Variants in FBXL20 observed in about 807,000 individuals in gnomAD.
FBXL20 encodes the protein F-box and leucine rich repeat protein 20.
A neutral mutation model predicts 64.0 loss-of-function variants in FBXL20; 11 were observed. The ratio of observed to expected loss-of-function variants is 0.17; its 90% confidence interval spans 0.11 to 0.28. The LOEUF (loss-of-function observed/expected upper bound fraction) is 0.28, where lower values mean the gene tolerates loss of function less well. Among genes scored for constraint, FBXL20 ranks in the 10% least tolerant of loss-of-function variants. The pLI, the probability that FBXL20 is intolerant of heterozygous loss-of-function variation, is 1.00. For synonymous variants in FBXL20, 184 were observed against 189.0 expected, an observed-to-expected ratio of 0.97 and a Z score of 0.22; for missense variants, 303 against 526.2, an observed-to-expected ratio of 0.58 and a Z score of 4.15.
chr17:39,315,820 A>C lies in FBXL20; in HGVS notation c.105-12181T>G, dbSNP rs2047283126. On this transcript the variant is annotated intron_variant, in intron 2 of 14. Coordinates refer to ENST00000264658, the MANE Select transcript of FBXL20 (RefSeq NM_032875.3). ...GAGGGGATCTTTGAGAGAGAGTGAGAGAGAGAGACAGAGAGAGAGAGAGAG... is the reference window on the plus strand; with the variant it reads ...GAGGGGATCTTTGAGAGAGAGTGAGCGAGAGAGACAGAGAGAGAGAGAGAG... Among the ~76,000 whole-genome samples the C allele has an allele frequency of 3.6e-5, 4 of 111,444 alleles. No homozygotes were observed. The Admixed American group carries it at 4.1e-4, about 11-fold the overall frequency. The allele number at this position is 111,444 out of a possible 152,430, so 73.1% of individuals were successfully genotyped here.
At chr17:39,315,682 G>A (rs2047280721) in intron 2 of FBXL20, among the ~76,000 whole-genome samples, 1 of 151,836 alleles carries the variant, frequency 6.6e-6, no homozygotes, top group African/African-American at 2.4e-5. Context: ...AGGTGAGAAG[G>A]GCATCCACAC....
chr17:39,288,983 G>A (rs567272639), intron 6 of FBXL20, among the ~76,000 whole-genome samples: 6 of 152,258 alleles, frequency 3.9e-5, no homozygotes, highest in Admixed American at 2.6e-4. Context: ...GATTACAGGC[G>A]TGAGCCACCG....
intron 2 of FBXL20, among the ~76,000 whole-genome samples, chr17:39,321,791 A>C (rs1009845130): frequency 5.9e-5 from 9 of 151,946 alleles, no homozygotes; most frequent in East Asian, 1.9e-4. Context: ...AAAAAAAAAA[A>C]AAAAAACAAA....
chr17:39,273,250 AGATGATCCGCCCGCCT>A (rs1465205205), intron 10 of FBXL20, among the ~76,000 whole-genome samples: 2 of 152,070 alleles, frequency 1.3e-5, no homozygotes, highest in East Asian at 3.9e-4. Context: ...TCCTGACCTC[AGATGATCCGCCCGCCT>A]CAGCCTCCCA....
chr17:39,304,502 C>A (rs1257989398), intron 2 of FBXL20, among the ~76,000 whole-genome samples: 1 of 152,056 alleles, frequency 6.6e-6, no homozygotes, highest in African/African-American at 2.4e-5. Context: ...GTTGCACAGG[C>A]TGGTTTTGAA....
chr17:39,308,397 A>C (rs1458634349), intron 2 of FBXL20, among the ~76,000 whole-genome samples: 1 of 152,050 alleles, frequency 6.6e-6, no homozygotes, highest in Non-Finnish European at 1.5e-5. Flanking sequence ...CAGGGGGCTA[A>C]GGAAAGAGGA....
intron 1 of FBXL20, among the ~76,000 whole-genome samples, chr17:39,352,757 T>A (rs962834327): frequency 1.3e-5 from 2 of 151,730 alleles, no homozygotes; most frequent in Admixed American, 1.3e-4. Context: ...TTGCTTAAAT[T>A]AAATCTACTA....
chr17:39,402,278 G>GCGGTTGCCGCCGCCGCCGCCTCCC, upstream of FBXL20: 2 of 1,183,856 alleles, frequency 1.7e-6, no homozygotes, highest in Non-Finnish European at 2.1e-6. Context: ...CCGCGCCTCC[G>GCGGTTGCCGCCGCCGCCGCCTCCC]CGGTTGCCGC....
intron 1 of FBXL20, among the ~76,000 whole-genome samples, chr17:39,382,379 G>A (rs2048032653): frequency 6.7e-6 from 1 of 148,616 alleles, no homozygotes; most frequent in Non-Finnish European, 1.5e-5. Flanking sequence ...GGAGGTGGAG[G>A]TTGCAGTGAG....
At chr17:39,392,716 T>A (rs1451303151) in intron 1 of FBXL20, among the ~76,000 whole-genome samples, 1 of 151,772 alleles carries the variant, frequency 6.6e-6, no homozygotes, top group Non-Finnish European at 1.5e-5. Context: ...TATCACAAAT[T>A]AAAAGTAAAA....
At chr17:39,399,447 A>G (rs945128317) in intron 1 of FBXL20, among the ~76,000 whole-genome samples, 1 of 152,244 alleles carries the variant, frequency 6.6e-6, no homozygotes, top group Non-Finnish European at 1.5e-5. Flanking sequence ...TTAGGTCAAT[A>G]AAGAGGTAAA....
chr17:39,288,437 A>G (rs2047008308), intron 6 of FBXL20, among the ~76,000 whole-genome samples: 1 of 152,104 alleles, frequency 6.6e-6, no homozygotes, highest in Admixed American at 6.6e-5. Flanking sequence ...ACCTGCAAAT[A>G]CTTTCTCCCA....
intron 8 of FBXL20, 55 bp from the exon 9 acceptor site, chr17:39,281,518 A>C (rs2046950543): frequency 6.9e-7 from 1 of 1,457,274 alleles, no homozygotes; most frequent in Non-Finnish European, 9.5e-7. Context: ...CTCAAAGGAA[A>C]GAGATTTAAG....
At chr17:39,369,095 G>A (rs973820917) in intron 1 of FBXL20, among the ~76,000 whole-genome samples, 1 of 151,988 alleles carries the variant, frequency 6.6e-6, no homozygotes, top group Non-Finnish European at 1.5e-5. Context: ...AAGGAAATAG[G>A]TATATTGGAT....
intron 2 of FBXL20, among the ~76,000 whole-genome samples, chr17:39,317,373 A>T (rs988731991): frequency 1.3e-5 from 2 of 152,058 alleles, no homozygotes; most frequent in African/African-American, 4.8e-5. Context: ...CTGGGATTAC[A>T]GGCATGTGCC....
chr17:39,316,217 G>A lies in FBXL20; in HGVS notation c.105-12578C>T, dbSNP rs983153686. On this transcript the variant is annotated intron_variant, in intron 2 of 14. Transcript: ENST00000264658. ...AATTGGAAATATCAGTGTATTAATA[G>A]AAACATAGTTATCAATATATACAGA... Among the ~76,000 whole-genome samples, 3 of 152,152 alleles carry A rather than the reference G, an allele frequency of 2.0e-5. No individual in the cohort carries two copies. In the South Asian group the frequency reaches 6.2e-4, roughly 32 times the overall value.
chr17:39,280,146 G>A (rs2046935207), intron 9 of FBXL20, among the ~76,000 whole-genome samples: 1 of 150,506 alleles, frequency 6.6e-6, no homozygotes, highest in Admixed American at 6.7e-5. Flanking sequence ...GAGGCAAGAA[G>A]AATCGCTTGA....
At chr17:39,328,324 C>G (rs1242672867) in intron 2 of FBXL20, among the ~76,000 whole-genome samples, 1 of 147,674 alleles carries the variant, frequency 6.8e-6, no homozygotes, top group Non-Finnish European at 1.5e-5. Flanking sequence ...AATACAAGGG[C>G]TCCTTGGAGA....
chr17:39,314,921 C>T (rs557242055), intron 2 of FBXL20, among the ~76,000 whole-genome samples: 1 of 151,820 alleles, frequency 6.6e-6, no homozygotes, highest in African/African-American at 2.4e-5. Flanking sequence ...CCTCAGCCTC[C>T]CAAGTAGCTG....
Sources: gnomAD v4.1 joint callset for allele counts (sites outside exome capture counted in the v4.1 genomes callset) on GRCh38, gnomAD v4.1.1 for gene constraint, MANE v1.5 for transcripts, NCBI Gene and HGNC (gene_info 2026-07-23, HGNC 2026-07-21) for gene names.